NRIP1: variants seen among roughly 807,000 people sequenced by gnomAD.
NRIP1 encodes the protein nuclear receptor-interacting protein 1.
A neutral mutation model predicts 75.0 loss-of-function variants in NRIP1; 28 were observed. The ratio of observed to expected loss-of-function variants is 0.37; its 90% CI spans 0.28 to 0.51. The LOEUF (loss-of-function observed/expected upper bound fraction) is 0.51. Among genes scored for constraint, NRIP1 ranks in the 20% least tolerant of loss-of-function variants. The pLI is 0.92. For missense variants in NRIP1, 1,435 were observed against 1,343.7 expected (o/e 1.07, Z -1.06); for synonymous variants, 526 against 487.6 (o/e 1.08, Z -1.04).
chr21:14,972,410 T>G (rs915407585), intron 3 of NRIP1, among the ~76,000 whole-genome samples: 1 of 152,194 alleles, frequency 6.6e-6, no homozygotes, highest in Non-Finnish European at 1.5e-5. Flanking sequence ...GGTATTAAGG[T>G]AAAATATGAC....
At chr21:14,997,862 C>T (rs1450537676) in intron 3 of NRIP1, among the ~76,000 whole-genome samples, 1 of 151,976 alleles carries the variant, frequency 6.6e-6, no homozygotes, top group East Asian at 1.9e-4. Flanking sequence ...GATGGGGAAA[C>T]TGTGGTGTAA....
chr21:14,968,433 T>C lies in NRIP1; in HGVS notation c.-241A>G, dbSNP rs1033207628. 5 of 466,912 alleles carry C rather than the reference T, an allele frequency of 1.1e-5. No homozygotes were observed. The East Asian group carries it at 1.1e-4, about 10-fold the overall frequency. The allele number at this position is 466,912 out of a possible 1,614,324, so 28.9% of individuals were successfully genotyped here. A position where few individuals can be genotyped will look rare whatever the true frequency, so the allele number is the denominator to read the frequency against. ...AGGAGGAGAAGAATTCCTTAACACA[T>C]AGGTCTGTAGCAGTAAGCAGATAGA... On this transcript the variant is annotated 5_prime_UTR_variant, in exon 4 of 4. It removes an upstream start codon present in the reference 5' UTR. Transcript: ENST00000318948.
chr21:15,048,831 G>A (rs138832359), intron 1 of NRIP1, among the ~76,000 whole-genome samples: 2 of 152,276 alleles, frequency 1.3e-5, no homozygotes, highest in African/African-American at 4.8e-5. Flanking sequence ...AGTAGAATGT[G>A]TGTAATTTAC....
intron 3 of NRIP1, among the ~76,000 whole-genome samples, chr21:14,999,664 G>A (rs1162830518): frequency 6.6e-6 from 1 of 152,160 alleles, no homozygotes. Flanking sequence ...GTTCTCATCA[G>A]TTAAACGAAC....
chr21:15,065,197 C>T (rs1003663650), upstream of NRIP1, among the ~76,000 whole-genome samples: 2 of 152,110 alleles, frequency 1.3e-5, no homozygotes, highest in Non-Finnish European at 2.9e-5. Flanking sequence ...ATCCGGGCGG[C>T]TCACAGGAGC....
chr21:14,998,074 C>T (rs1272719922), intron 3 of NRIP1, among the ~76,000 whole-genome samples: 1 of 152,172 alleles, frequency 6.6e-6, no homozygotes, highest in East Asian at 1.9e-4. Flanking sequence ...GCAGCTTCTC[C>T]AGTATCTCTG....
At chr21:14,989,439 A>T (rs1204437284) in intron 3 of NRIP1, among the ~76,000 whole-genome samples, 1 of 152,156 alleles carries the variant, frequency 6.6e-6, no homozygotes, top group African/African-American at 2.4e-5. Context: ...AATTATCCAA[A>T]CTGTGTAGGA....
intron 3 of NRIP1, among the ~76,000 whole-genome samples, chr21:14,995,467 C>T (rs1202229550): frequency 6.6e-6 from 1 of 152,114 alleles, no homozygotes. Context: ...GTTACTTGAA[C>T]CACAAAATAT....
rs2086670579 is a variant in NRIP1, at chr21:14,964,587, AAT to A, written c.*127_*128del. 7 of 751,122 alleles carry A rather than the reference AAT, an allele frequency of 9.3e-6. No homozygotes were observed. The highest frequency in any genetic ancestry group is 1.5e-5 in the Non-Finnish European group (7 of 480,796). The allele number at this position is 751,122 out of a possible 1,614,324, so 46.5% of individuals were successfully genotyped here. A position where few individuals can be genotyped will look rare whatever the true frequency, so the allele number is the denominator to read the frequency against. On this transcript the variant is annotated 3_prime_UTR_variant, in exon 4 of 4. Transcript: ENST00000318948. ...GCATATTTCAACATCACCAGTAACCAATACTTTTCAAAATGAAAAAAGTTTCA... is the reference window on the plus strand; with the variant it reads ...GCATATTTCAACATCACCAGTAACCAACTTTTCAAAATGAAAAAAGTTTCA...
At chr21:15,064,393 G>C (rs1418003397) in intron 1 of NRIP1, among the ~76,000 whole-genome samples, 1 of 152,120 alleles carries the variant, frequency 6.6e-6, no homozygotes, top group African/African-American at 2.4e-5. Context: ...CCCGGGGTTC[G>C]GGACCGAGAG....
At chr21:15,011,428 A>C (rs2147160666) in intron 3 of NRIP1, among the ~76,000 whole-genome samples, 1 of 152,262 alleles carries the variant, frequency 6.6e-6, no homozygotes, top group East Asian at 1.9e-4. Flanking sequence ...TGACCTCGTG[A>C]TCCGCCCGCC....
chr21:14,983,957 T>G (rs528514827), intron 3 of NRIP1, among the ~76,000 whole-genome samples: 1 of 152,344 alleles, frequency 6.6e-6, no homozygotes, highest in South Asian at 2.1e-4. Context: ...CTGCTGCAGT[T>G]GTACAAGGAG....
rs530529306 is a variant in NRIP1 at position 14,994,868 on chromosome 21, T to TA, written c.-335+19475dup. ...ACTTAACATTGTGTCTGCTATCCTC[T>TA]AAGTACTCAACAAGTTCAAGTATTC... is the stretch of plus-strand genomic sequence containing the variant. On this transcript the variant is annotated intron_variant, in intron 3 of 3. Coordinates refer to ENST00000318948, the MANE Select transcript of NRIP1 (RefSeq NM_003489.4). Among the ~76,000 whole-genome samples, 10 of 152,314 alleles carry TA rather than the reference T, an allele frequency of 6.6e-5. No homozygotes were observed. The East Asian group carries it at 1.9e-3, about 29-fold the overall frequency.
intron 3 of NRIP1, among the ~76,000 whole-genome samples, chr21:14,975,531 C>G (rs9978599): frequency 0.1 from 15,500 of 150,480 alleles, 2,465 homozygotes; most frequent in African/African-American, 0.34. Flanking sequence ...GTGGGAGGAT[C>G]ACTGGAGCCC....
At chr21:15,019,880 G>A (rs895114020) in intron 2 of NRIP1, among the ~76,000 whole-genome samples, 3 of 151,996 alleles carry the variant, frequency 2.0e-5, no homozygotes, top group African/African-American at 7.2e-5. Flanking sequence ...TATAAGAAAC[G>A]CAGCCAGGCA....
chr21:15,022,258 C>T (rs2088395289), intron 2 of NRIP1, among the ~76,000 whole-genome samples: 2 of 152,112 alleles, frequency 1.3e-5, no homozygotes, highest in South Asian at 4.1e-4. Flanking sequence ...GGATAGAAGC[C>T]ATTATCCTCA....
rs187683923 is a variant in NRIP1 at position 15,052,086 on chromosome 21, C to T, written c.-537-8512G>A. ...AAATCATAAGGGACATCCTCTCAGC[C>T]CTAAGTTCTATTCACCCTGATACTC... On this transcript the variant is annotated intron_variant, in intron 1 of 3. Coordinates refer to ENST00000318948, the MANE Select transcript of NRIP1 (RefSeq NM_003489.4). 147 of 152,220 alleles carry T rather than the reference C, an allele frequency of 9.7e-4. 1 individual carries two copies. Among genetic ancestry groups the T allele is most frequent in the African/African-American group, 3.3e-3 (138 of 41,530 alleles). 9.4% of individuals were successfully genotyped at this position (152,220 alleles called of 1,614,324 possible). A position where few individuals can be genotyped will look rare whatever the true frequency, so the allele number is the denominator to read the frequency against.
chr21:14,980,378 G>T (rs2087199230), intron 3 of NRIP1, among the ~76,000 whole-genome samples: 1 of 151,962 alleles, frequency 6.6e-6, no homozygotes, highest in South Asian at 2.1e-4. Context: ...GGAGGCTGAG[G>T]CACGAGAATC....
intron 2 of NRIP1, among the ~76,000 whole-genome samples, chr21:15,035,597 C>T (rs1002957729): frequency 2.1e-5 from 3 of 146,142 alleles, no homozygotes; most frequent in African/African-American, 7.7e-5. Context: ...CGCTCTGTTG[C>T]CCAGGCTGGA....
Sources: allele counts gnomAD v4.1 joint callset (sites outside exome capture counted in the v4.1 genomes callset), GRCh38; gene constraint gnomAD v4.1.1; transcripts MANE v1.5; gene names NCBI Gene and HGNC (gene_info 2026-07-23, HGNC 2026-07-21).